Variants in BAG3 observed in about 807,000 individuals in gnomAD.
BAG3 encodes BAG cochaperone 3.
BAG3 carries 14 observed loss-of-function variants against 40.5 expected under a neutral mutation model. The observed-to-expected ratio is 0.35, with a 90% CI of 0.23 to 0.54. The LOEUF (loss-of-function observed/expected upper bound fraction) is 0.54, where lower values mean the gene tolerates loss of function less well. Among genes scored for constraint, BAG3 ranks in the 20% least tolerant of loss-of-function variants. BAG3 has a pLI of 0.91. For synonymous variants in BAG3, 302 were observed against 307.8 expected (o/e 0.98, Z 0.20); for missense variants, 788 against 758.6 (o/e 1.04, Z -0.46).
chr10:119,653,924 T>A (rs967595040), intron 1 of BAG3, among the ~76,000 whole-genome samples: 3 of 152,282 alleles, frequency 2.0e-5, no homozygotes, highest in Middle Eastern at 3.4e-3. Flanking sequence ...GCCACCAAGT[T>A]ATTGGGTCAC....
At chr10:119,669,789 CT>C in intron 1 of BAG3, 61 bp from the exon 2 acceptor site, 1 of 1,517,522 alleles carries the variant, frequency 6.6e-7, no homozygotes, top group Non-Finnish European at 9.1e-7. Context: ...AGTGTTTCCT[CT>C]GCCAGGAGGG....
At chr10:119,669,287 C>T (rs1847107655) in intron 1 of BAG3, among the ~76,000 whole-genome samples, 1 of 152,186 alleles carries the variant, frequency 6.6e-6, no homozygotes, top group South Asian at 2.1e-4. Flanking sequence ...GCATCCCTGT[C>T]CTTCCCCTTC....
At chr10:119,657,584 C>T in intron 1 of BAG3, 1 of 471,094 alleles carries the variant, frequency 2.1e-6, no homozygotes, top group Non-Finnish European at 4.4e-6. Flanking sequence ...TCCCGGGAAG[C>T]CTTCCATTGG....
chr10:119,653,139 C>A (rs548002999), intron 1 of BAG3, among the ~76,000 whole-genome samples: 47 of 152,280 alleles, frequency 3.1e-4, no homozygotes, highest in Non-Finnish European at 5.0e-4. Flanking sequence ...TGATAAAACT[C>A]CGGTGCCCAG....
rs1343101135 is a variant in BAG3 at position 119,676,844 on chromosome 10, G to C, written c.1290G>C (p.Glu430Asp). ...TGCTGAAAGTGGAAGCCATCCTGGAGAAGGTACAGGGGCTGGAGCAGGCTG... is the reference window on the plus strand; with the variant it reads ...TGCTGAAAGTGGAAGCCATCCTGGACAAGGTACAGGGGCTGGAGCAGGCTG... ...PGVLKVEAIL[E>D]KVQGLEQAVD... Residue 430 changes from glutamate to aspartate, a missense_variant, in exon 4 of 4, where the codon GAG becomes GAC. Coordinates refer to ENST00000369085, the MANE Select transcript of BAG3 (RefSeq NM_004281.4). 6.2e-7 allele frequency: 1 copy of C among 1,614,060 alleles called. No individual in the cohort carries two copies. Among genetic ancestry groups the C allele is most frequent in the Non-Finnish European group, 8.5e-7 (1 of 1,180,030 alleles).
chr10:119,669,391 GC>G (rs1357319562), intron 1 of BAG3, among the ~76,000 whole-genome samples: 1 of 152,102 alleles, frequency 6.6e-6, no homozygotes, highest in East Asian at 1.9e-4. Flanking sequence ...CTGTGTTTGG[GC>G]CCAGTACAAG....
intron 3 of BAG3, among the ~76,000 whole-genome samples, chr10:119,673,689 C>T (rs930425397): frequency 2.0e-5 from 3 of 152,232 alleles, no homozygotes; most frequent in Admixed American, 1.3e-4. Flanking sequence ...ATAGAGCACC[C>T]TCATCTTAAA....
intron 3 of BAG3, among the ~76,000 whole-genome samples, chr10:119,674,794 C>T (rs1847196976): frequency 6.6e-6 from 1 of 151,424 alleles, no homozygotes; most frequent in African/African-American, 2.4e-5. Context: ...CATGGTGAAA[C>T]CCCATCTCTA....
At chr10:119,654,122 A>G (rs1378382908) in intron 1 of BAG3, among the ~76,000 whole-genome samples, 1 of 152,342 alleles carries the variant, frequency 6.6e-6, no homozygotes, top group South Asian at 2.1e-4. Context: ...GACACACACA[A>G]TATCAGGTTG....
intron 1 of BAG3, among the ~76,000 whole-genome samples, chr10:119,668,856 C>T (rs959676323): frequency 1.3e-5 from 2 of 152,214 alleles, no homozygotes; most frequent in South Asian, 2.1e-4. Context: ...ACAGGGACCA[C>T]GGCAGTGGGG....
intron 1 of BAG3, among the ~76,000 whole-genome samples, chr10:119,655,377 A>G (rs935694875): frequency 6.6e-6 from 1 of 152,200 alleles, no homozygotes; most frequent in African/African-American, 2.4e-5. Context: ...ATCTGGCAGA[A>G]TCTCACCATA....
intron 3 of BAG3, among the ~76,000 whole-genome samples, chr10:119,675,911 T>TC (rs1554877664): frequency 4.8e-4 from 3 of 6,276 alleles, no homozygotes; most frequent in Non-Finnish European, 7.3e-4. Context: ...CCCCCTTCCT[T>TC]CCTTCCTTCC....
rs573440989 is a variant in BAG3, at chr10:119,666,396, C to T, written c.181-3455C>T. 4.7e-4 allele frequency among the ~76,000 whole-genome samples: 72 copies of T among 152,328 alleles called. 1 individual carries two copies. Among genetic ancestry groups the T allele is most frequent in the African/African-American group, 1.7e-3 (70 of 41,562 alleles). On this transcript the variant is annotated intron_variant, in intron 1 of 3. Coordinates refer to ENST00000369085, the MANE Select transcript of BAG3 (RefSeq NM_004281.4). ...GCCTGCAGTGACCACATTCCTTCCC[C>T]GTGGACCAAGCCATGTCTCTGGAAA... is the stretch of plus-strand genomic sequence containing the variant.
chr10:119,653,408 G>A (rs996773779), intron 1 of BAG3, among the ~76,000 whole-genome samples: 1 of 152,162 alleles, frequency 6.6e-6, no homozygotes, highest in African/African-American at 2.4e-5. Flanking sequence ...TAGACATAGG[G>A]ATAGTGGTAT....
intron 1 of BAG3, among the ~76,000 whole-genome samples, chr10:119,659,736 G>A (rs564070803): frequency 3.4e-4 from 51 of 152,214 alleles, no homozygotes; most frequent in Non-Finnish European, 6.0e-4. Context: ...TTGTAGGGTC[G>A]TGTCTGGAGG....
Position 119,651,618 on chromosome 10 carries a change from T to G in BAG3, c.-58T>G. ...CCACGGCGGCGGCCCGGCCAGAGAC[T>G]CGGCGCCCGGAGCCAGCGCCCCGCA... On this transcript the variant is annotated 5_prime_UTR_variant, in exon 1 of 4. Coordinates refer to ENST00000369085, the MANE Select transcript of BAG3 (RefSeq NM_004281.4). The G allele has an allele frequency of 7.0e-7, 1 of 1,423,552 alleles. No homozygotes were observed. Among genetic ancestry groups the G allele is most frequent in the East Asian group, 3.1e-5 (1 of 32,718 alleles). The allele number at this position is 1,423,552 out of a possible 1,614,324, so 88.2% of individuals were successfully genotyped here.
Position 119,677,502 on chromosome 10 carries a change from G to A in BAG3, c.*220G>A. On this transcript the variant is annotated 3_prime_UTR_variant, in exon 4 of 4. Coordinates refer to ENST00000369085, the MANE Select transcript of BAG3 (RefSeq NM_004281.4). ...AATAAAGAAGTTGCTTGTTGTTTGA[G>A]AAGTTTAACCCCGTTGCTTGTTGTT... The A allele has an allele frequency of 1.6e-6, 1 of 641,274 alleles. No homozygotes were observed. Among genetic ancestry groups the A allele is most frequent in the Non-Finnish European group, 2.6e-6 (1 of 381,788 alleles). The allele number at this position is 641,274 out of a possible 1,614,324, so 39.7% of individuals were successfully genotyped here.
At chr10:119,655,662 G>A (rs1400741963) in intron 1 of BAG3, among the ~76,000 whole-genome samples, 1 of 152,166 alleles carries the variant, frequency 6.6e-6, no homozygotes, top group African/African-American at 2.4e-5. Flanking sequence ...AGTTGTGGCT[G>A]AGCAAGTTCC....
At chr10:119,653,741 G>T (rs1475319882) in intron 1 of BAG3, among the ~76,000 whole-genome samples, 1 of 152,180 alleles carries the variant, frequency 6.6e-6, no homozygotes, top group Non-Finnish European at 1.5e-5. Context: ...CTGAAACCCA[G>T]AGAGTTCAGG....
Sources: gnomAD v4.1 joint callset for allele counts (sites outside exome capture counted in the v4.1 genomes callset) on GRCh38, gnomAD v4.1.1 for gene constraint, MANE v1.5 for transcripts, NCBI Gene and HGNC (gene_info 2026-07-23, HGNC 2026-07-21) for gene names.